PDE12: variants seen among roughly 807,000 people sequenced by gnomAD.
The protein encoded by PDE12 is 2',5'-phosphodiesterase 12.
A neutral mutation model predicts 45.4 loss-of-function variants in PDE12; 26 were observed. That is an observed-to-expected ratio of 0.57 (90% CI 0.42 to 0.79). The LOEUF (loss-of-function observed/expected upper bound fraction) is 0.79. Ranked by LOEUF, PDE12 falls within the 30% of genes least tolerant of loss-of-function variation. The probability of loss-of-function intolerance (pLI) is 0.00; values close to 1 mark genes in which losing one functional copy is unlikely to be tolerated. For synonymous variants in PDE12, 283 were observed against 323.9 expected (o/e 0.87, Z 1.36); for missense variants, 668 against 790.0 (o/e 0.85, Z 1.85).
the PDE12 span, among the ~76,000 whole-genome samples, chr3:57,595,534 A>G: frequency 2.0e-5 from 3 of 152,370 alleles, no homozygotes; most frequent in Non-Finnish European, 4.4e-5. Flanking sequence ...ATTGATTCAC[A>G]AAGTGTAAGT....
the PDE12 span, among the ~76,000 whole-genome samples, chr3:57,609,500 TAAG>T: frequency 6.6e-6 from 1 of 151,248 alleles, no homozygotes; most frequent in Non-Finnish European, 1.5e-5. Flanking sequence ...GCAAGACTAA[TAAG>T]AAGAGAGAGA....
the PDE12 span, among the ~76,000 whole-genome samples, chr3:57,586,409 CAGTT>C: frequency 2.6e-5 from 4 of 152,176 alleles, no homozygotes; most frequent in South Asian, 6.2e-4. Flanking sequence ...TATCTTTTAT[CAGTT>C]AGTCCAAAAC....
the PDE12 span, chr3:57,584,047 T>A: frequency 7.4e-7 from 1 of 1,349,248 alleles, no homozygotes; most frequent in Non-Finnish European, 1.0e-6. Context: ...GCAGCGTCAT[T>A]AAGAAAATAA....
At chr3:57,597,491 G>A in the PDE12 span, 1 of 196,268 alleles carries the variant, frequency 5.1e-6, no homozygotes, top group African/African-American at 2.4e-5. Flanking sequence ...CGGTGCGCCC[G>A]AGCCACTGCG....
At chr3:57,631,498 G>A in the PDE12 span, among the ~76,000 whole-genome samples, 1 of 151,320 alleles carries the variant, frequency 6.6e-6, no homozygotes, top group African/African-American at 2.4e-5. Flanking sequence ...CCAACAACGC[G>A]GTCCATTTTT....
the PDE12 span, among the ~76,000 whole-genome samples, chr3:57,586,720 C>T: frequency 1.3e-5 from 2 of 151,812 alleles, no homozygotes; most frequent in Non-Finnish European, 2.9e-5. Context: ...AATCAGAAAA[C>T]ATAATTCTAA....
the PDE12 span, among the ~76,000 whole-genome samples, chr3:57,611,154 T>C: frequency 6.6e-6 from 1 of 152,142 alleles, no homozygotes; most frequent in Non-Finnish European, 1.5e-5. Context: ...ATTTAATAAA[T>C]GGTGCTGGGA....
the PDE12 span, among the ~76,000 whole-genome samples, chr3:57,586,016 T>G: frequency 6.6e-6 from 1 of 152,140 alleles, no homozygotes; most frequent in Non-Finnish European, 1.5e-5. Flanking sequence ...AGGAATGTGT[T>G]TGCTTGTGAA....
chr3:57,639,611 A>G, the PDE12 span, among the ~76,000 whole-genome samples: 1 of 152,186 alleles, frequency 6.6e-6, no homozygotes, highest in Non-Finnish European at 1.5e-5. Context: ...TATCATTAAT[A>G]CTCAGACAGA....
the PDE12 span, among the ~76,000 whole-genome samples, chr3:57,648,512 AC>A: frequency 3.3e-5 from 5 of 152,316 alleles, no homozygotes; most frequent in Non-Finnish European, 5.9e-5. Context: ...ACTAGAAAAA[AC>A]AATCCTAAAA....
At chr3:57,577,068 A>G in the PDE12 span, among the ~76,000 whole-genome samples, 1 of 151,790 alleles carries the variant, frequency 6.6e-6, no homozygotes, top group East Asian at 1.9e-4. Context: ...AAAAAAAAAA[A>G]CAACACTGCT....
chr3:57,574,859 T>C, the PDE12 span, among the ~76,000 whole-genome samples: 6 of 151,968 alleles, frequency 3.9e-5, no homozygotes, highest in Non-Finnish European at 8.8e-5. Flanking sequence ...ATCTCCACTT[T>C]TTTTTTGAGA....
the PDE12 span, among the ~76,000 whole-genome samples, chr3:57,629,043 A>C: frequency 6.6e-6 from 1 of 152,052 alleles, no homozygotes; most frequent in Admixed American, 6.5e-5. Flanking sequence ...TAATTCTCAT[A>C]ATATTCTAAT....
the PDE12 span, among the ~76,000 whole-genome samples, chr3:57,655,562 C>T: frequency 1.3e-5 from 2 of 152,092 alleles, no homozygotes; most frequent in Admixed American, 1.3e-4. Flanking sequence ...TACTTATGAC[C>T]TCAAGGTAAG....
the PDE12 span, among the ~76,000 whole-genome samples, chr3:57,650,421 T>TACACACACACAC: frequency 3.3e-5 from 5 of 149,870 alleles, no homozygotes; most frequent in South Asian, 2.1e-4. Flanking sequence ...TGCATTTACA[T>TACACACACACAC]ACACACACAC....
At chr3:57,639,515 T>C in the PDE12 span, among the ~76,000 whole-genome samples, 1 of 152,190 alleles carries the variant, frequency 6.6e-6, no homozygotes, top group African/African-American at 2.4e-5. Flanking sequence ...GCCCAAACCA[T>C]GAAAATGTCA....
the PDE12 span, among the ~76,000 whole-genome samples, chr3:57,618,478 A>G: frequency 6.6e-6 from 1 of 151,918 alleles, no homozygotes; most frequent in Non-Finnish European, 1.5e-5. Context: ...GCTTGAGTGC[A>G]TGGTACGGTG....
chr3:57,619,848 T>C, the PDE12 span, among the ~76,000 whole-genome samples: 1 of 151,230 alleles, frequency 6.6e-6, no homozygotes, highest in Non-Finnish European at 1.5e-5. Flanking sequence ...AGACTCTGTC[T>C]CAAAAAATAA....
At chr3:57,608,894 G>A in the PDE12 span, among the ~76,000 whole-genome samples, 1 of 152,158 alleles carries the variant, frequency 6.6e-6, no homozygotes, top group African/African-American at 2.4e-5. Flanking sequence ...GGACCTAATA[G>A]ACATCTACAG....
Sources: gnomAD v4.1 joint callset for allele counts (sites outside exome capture counted in the v4.1 genomes callset) on GRCh38, gnomAD v4.1.1 for gene constraint, MANE v1.5 for transcripts, NCBI Gene and HGNC (gene_info 2026-07-23, HGNC 2026-07-21) for gene names.